Variants in TTC29 observed in about 807,000 individuals in gnomAD.
TTC29 encodes tetratricopeptide repeat protein 29.
TTC29 carries 49 observed loss-of-function variants against 58.1 expected under a neutral mutation model. The observed-to-expected ratio is 0.84, with a 90% CI of 0.67 to 1.07. The LOEUF (loss-of-function observed/expected upper bound fraction) is 1.07, where lower values mean the gene tolerates loss of function less well. TTC29 is among the 50% of genes least tolerant of loss of function. The pLI, the probability that TTC29 is intolerant of heterozygous loss-of-function variation, is 0.00. For synonymous variants in TTC29, 209 were observed against 196.8 expected, an observed-to-expected ratio of 1.06 and a Z score of -0.52; for missense variants, 582 against 555.6, an observed-to-expected ratio of 1.05 and a Z score of -0.48.
chr4:146,917,223 A>T (rs1329759772), intron 4 of TTC29, among the ~76,000 whole-genome samples: 3 of 150,628 alleles, frequency 2.0e-5, no homozygotes, highest in Admixed American at 2.0e-4. Context: ...TACAACTAGA[A>T]TTCATCATTA....
chr4:146,772,982 T>C (rs559152563), intron 11 of TTC29, among the ~76,000 whole-genome samples: 2 of 152,128 alleles, frequency 1.3e-5, no homozygotes, highest in Non-Finnish European at 2.9e-5. Context: ...TTTGTGGCTA[T>C]TATGAATGAG....
At chr4:146,770,961 C>T in intron 11 of TTC29, among the ~76,000 whole-genome samples, 1 of 152,076 alleles carries the variant, frequency 6.6e-6, no homozygotes, top group Non-Finnish European at 1.5e-5. Context: ...TAGGGCCTAA[C>T]ATGCAAGGGC....
At chr4:146,871,146 G>A (rs1730901973) in intron 7 of TTC29, among the ~76,000 whole-genome samples, 1 of 151,706 alleles carries the variant, frequency 6.6e-6, no homozygotes, top group Non-Finnish European at 1.5e-5. Context: ...ACGATCAAGT[G>A]GAATTTAGCC....
chr4:146,723,041 G>A (rs1239726232), intron 11 of TTC29, among the ~76,000 whole-genome samples: 3 of 152,110 alleles, frequency 2.0e-5, no homozygotes, highest in Admixed American at 1.3e-4. Context: ...GAGGTCAGGG[G>A]TTCAAGACCA....
At chr4:146,943,814 C>T (rs186997303) in intron 2 of TTC29, among the ~76,000 whole-genome samples, 16 of 152,236 alleles carry the variant, frequency 1.1e-4, no homozygotes, top group Admixed American at 2.0e-4. Context: ...GCCTTTTGGT[C>T]TTTGTTAATA....
Position 146,803,448 on chromosome 4 carries a change from A to G in TTC29, c.1330+9T>C. 1.3e-6 allele frequency: 2 copies of G among 1,548,626 alleles called. No homozygotes were observed. Among genetic ancestry groups the G allele is most frequent in the Admixed American group, 2.0e-5 (1 of 51,098 alleles). ...GAAAACTAAAGTGTTCTAAAAACCA[A>G]TGCCTTACCAGTAACTGGATCAGGT... On this transcript the variant is annotated intron_variant, in intron 11 of 12. Coordinates refer to ENST00000325106, the MANE Select transcript of TTC29 (RefSeq NM_031956.4).
At chr4:146,776,625 C>T (rs1374724036) in intron 11 of TTC29, among the ~76,000 whole-genome samples, 1 of 152,086 alleles carries the variant, frequency 6.6e-6, no homozygotes, top group Non-Finnish European at 1.5e-5. Flanking sequence ...TTCTCTGGCC[C>T]CTGGAGGTTA....
intron 6 of TTC29, among the ~76,000 whole-genome samples, chr4:146,876,575 A>T (rs536108553): frequency 7.7e-4 from 118 of 152,334 alleles, no homozygotes; most frequent in Non-Finnish European, 1.3e-3. Context: ...GCACATAGAA[A>T]TAAGAATAGT....
At chr4:146,879,481 T>A (rs1308147937) in intron 6 of TTC29, among the ~76,000 whole-genome samples, 1 of 152,186 alleles carries the variant, frequency 6.6e-6, no homozygotes, top group East Asian at 1.9e-4. Context: ...TCAATTTACC[T>A]GAGAGAAATA....
At chr4:146,854,307 C>T (rs1013613369) in intron 8 of TTC29, among the ~76,000 whole-genome samples, 8 of 152,110 alleles carry the variant, frequency 5.3e-5, no homozygotes, top group Non-Finnish European at 1.2e-4. Context: ...GCTGCCCATG[C>T]TTTTGTAAAA....
chr4:146,800,427 C>A (rs1750134879), intron 11 of TTC29, among the ~76,000 whole-genome samples: 1 of 152,150 alleles, frequency 6.6e-6, no homozygotes, highest in African/African-American at 2.4e-5. Flanking sequence ...GATCTTTGAT[C>A]TGTTTTTTTT....
intron 4 of TTC29, among the ~76,000 whole-genome samples, chr4:146,914,188 A>T (rs1371835762): frequency 2.0e-5 from 3 of 151,842 alleles, no homozygotes; most frequent in Admixed American, 2.0e-4. Flanking sequence ...TCGGCTATCT[A>T]AAAAAAAGGA....
chr4:146,762,885 G>GCATATAT (rs1284133243), intron 11 of TTC29, among the ~76,000 whole-genome samples: 6 of 151,992 alleles, frequency 3.9e-5, no homozygotes, highest in Admixed American at 1.3e-4. Flanking sequence ...TTTACAATGT[G>GCATATAT]ACAACCCAAA....
At chr4:146,768,909 G>A (rs1256551407) in intron 11 of TTC29, among the ~76,000 whole-genome samples, 1 of 151,834 alleles carries the variant, frequency 6.6e-6, no homozygotes, top group African/African-American at 2.4e-5. Flanking sequence ...ATCTATGCAG[G>A]GAAATTTAAT....
intron 10 of TTC29, 39 bp downstream of exon 10, chr4:146,820,086 C>T (rs556846948): frequency 1.2e-6 from 2 of 1,606,536 alleles, no homozygotes; most frequent in East Asian, 2.2e-5. Flanking sequence ...TCCCTAAACA[C>T]CGCAAATTTC....
chr4:146,801,004 C>A (rs1750176933), intron 11 of TTC29, among the ~76,000 whole-genome samples: 1 of 152,050 alleles, frequency 6.6e-6, no homozygotes, highest in African/African-American at 2.4e-5. Context: ...TTGAGAATGA[C>A]CTAGCAAAAC....
chr4:146,845,820 C>T (rs1427517042), intron 8 of TTC29, among the ~76,000 whole-genome samples: 1 of 68,902 alleles, frequency 1.5e-5, no homozygotes, highest in Non-Finnish European at 2.7e-5. Flanking sequence ...CACACAATCA[C>T]ACACACACAC....
intron 2 of TTC29, among the ~76,000 whole-genome samples, chr4:146,940,610 CAG>C (rs1736291844): frequency 6.6e-6 from 1 of 152,172 alleles, no homozygotes; most frequent in Admixed American, 6.5e-5. Context: ...AACCCAATGA[CAG>C]GGGACAGGAA....
intron 10 of TTC29, among the ~76,000 whole-genome samples, chr4:146,816,080 T>C (rs1751385433): frequency 6.6e-6 from 1 of 152,218 alleles, no homozygotes; most frequent in African/African-American, 2.4e-5. Flanking sequence ...GTGTCTGAAG[T>C]TAAGGTATAA....
Sources: allele counts gnomAD v4.1 joint callset (sites outside exome capture counted in the v4.1 genomes callset), GRCh38; gene constraint gnomAD v4.1.1; transcripts MANE v1.5; gene names NCBI Gene and HGNC (gene_info 2026-07-23, HGNC 2026-07-21).